The following GALNT17 variants were observed in gnomAD, a reference collection of about 807,000 sequenced individuals.
The protein encoded by GALNT17 is UDP-GalNAc:polypeptide N-acetylgalactosaminyltransferase-like 3.
In GALNT17, 29 loss-of-function variants were observed where a neutral mutation model predicts 63.7. The observed-to-expected ratio is 0.46, with a 90% CI of 0.34 to 0.62. The LOEUF (loss-of-function observed/expected upper bound fraction) is 0.62. GALNT17 is among the 20% of genes least tolerant of loss of function. The pLI is 0.01. For missense variants in GALNT17, 603 were observed against 799.6 expected (o/e 0.75, Z 2.97); for synonymous variants, 305 against 318.3 (o/e 0.96, Z 0.45).
At position 71,409,017 on chromosome 7, in the gene GALNT17, AAC is replaced by A. The variant is rs10674037; in HGVS notation, c.590-6838_590-6837del. ...ACATACATATATATGCACATACACA[AAC>A]ACACACACACACACACACACACACA... is the stretch of plus-strand genomic sequence containing the variant. On this transcript the variant is annotated intron_variant, in intron 3 of 10. Transcript: ENST00000333538. Among the ~76,000 whole-genome samples the A allele has an allele frequency of 9.9e-3, 1,441 of 144,852 alleles. 15 individuals are homozygous for A. Among genetic ancestry groups the A allele is most frequent in the East Asian group, 0.032 (156 of 4,914 alleles).
intron 5 of GALNT17, among the ~76,000 whole-genome samples, chr7:71,564,510 T>C (rs1310437226): frequency 6.6e-6 from 1 of 151,952 alleles, no homozygotes; most frequent in East Asian, 1.9e-4. Context: ...GGCCTCAAAT[T>C]CCTGACCTGA....
chr7:71,198,589 GT>G (rs935581446), intron 1 of GALNT17, among the ~76,000 whole-genome samples: 7 of 152,224 alleles, frequency 4.6e-5, no homozygotes, highest in African/African-American at 1.7e-4. Flanking sequence ...GCTGACGCTA[GT>G]TGGACTGACA....
intron 2 of GALNT17, among the ~76,000 whole-genome samples, chr7:71,345,300 C>G (rs1321958731): frequency 2.0e-5 from 3 of 152,068 alleles, no homozygotes; most frequent in African/African-American, 7.2e-5. Flanking sequence ...ATCCCCGCAC[C>G]AATTTTATGA....
chr7:71,501,260 C>T (rs574271361), intron 5 of GALNT17, among the ~76,000 whole-genome samples: 59 of 151,740 alleles, frequency 3.9e-4, no homozygotes, highest in South Asian at 1.9e-3. Flanking sequence ...TGAGCCACCG[C>T]GCCCAGCCTA....
intron 3 of GALNT17, among the ~76,000 whole-genome samples, chr7:71,408,054 T>C (rs1454627795): frequency 6.6e-6 from 1 of 152,138 alleles, no homozygotes; most frequent in East Asian, 1.9e-4. Context: ...GGTCAAAACA[T>C]TTTAAACATG....
Position 71,182,526 on chromosome 7 carries a change from G to A in GALNT17, c.238+49486G>A, listed in dbSNP as rs144283144. Among the ~76,000 whole-genome samples the A allele has an allele frequency of 2.2e-3, 330 of 152,242 alleles. 1 individual carries two copies. Among genetic ancestry groups the A allele is most frequent in the African/African-American group, 7.4e-3 (309 of 41,546 alleles). ...TCTACTGGAGCTGACAGTTAGAGAGGTGTCCTTGGGATCATTAATCAGCAT... is the reference window on the plus strand; with the variant it reads ...TCTACTGGAGCTGACAGTTAGAGAGATGTCCTTGGGATCATTAATCAGCAT... On this transcript the variant is annotated intron_variant, in intron 1 of 10. Coordinates refer to ENST00000333538, the MANE Select transcript of GALNT17 (RefSeq NM_022479.3).
chr7:71,701,453 C>A (rs1455948530), intron 9 of GALNT17, among the ~76,000 whole-genome samples: 1 of 151,634 alleles, frequency 6.6e-6, no homozygotes, highest in South Asian at 2.1e-4. Flanking sequence ...CGCCATTGTA[C>A]TCCAGCCTGG....
At chr7:71,179,278 A>G (rs1452916819) in intron 1 of GALNT17, among the ~76,000 whole-genome samples, 1 of 152,202 alleles carries the variant, frequency 6.6e-6, no homozygotes, top group Non-Finnish European at 1.5e-5. Flanking sequence ...TCTACCTATG[A>G]CCTGGTAGCC....
intron 5 of GALNT17, among the ~76,000 whole-genome samples, chr7:71,551,833 C>T (rs185385315): frequency 6.8e-4 from 102 of 150,836 alleles, no homozygotes; most frequent in Non-Finnish European, 1.0e-3. Flanking sequence ...TAACCGAGGA[C>T]GGTGTTACCT....
Position 71,679,505 on chromosome 7 carries a change from A to G in GALNT17, c.1500+2199A>G, listed in dbSNP as rs145981991. ...CACCACTGTAACACAGGCAGCTGGT[A>G]TGATGCAGTCTTTGCTCCCAAATCG... On this transcript the variant is annotated intron_variant, in intron 9 of 10. Coordinates refer to ENST00000333538, the MANE Select transcript of GALNT17 (RefSeq NM_022479.3). Among the ~76,000 whole-genome samples, 1,168 of 152,310 alleles carry G rather than the reference A, an allele frequency of 7.7e-3. 13 individuals carry two copies. The highest frequency in any genetic ancestry group is 0.026 in the African/African-American group (1,089 of 41,566).
chr7:71,571,222 GC>G, intron 5 of GALNT17, 62 bp from the exon 6 acceptor site: 1 of 1,396,804 alleles, frequency 7.2e-7, no homozygotes, highest in Non-Finnish European at 1.0e-6. Flanking sequence ...CTAGGACGGT[GC>G]CTATGGAAGG....
intron 9 of GALNT17, among the ~76,000 whole-genome samples, chr7:71,682,025 C>G (rs1380967423): frequency 6.6e-6 from 1 of 152,076 alleles, no homozygotes; most frequent in African/African-American, 2.4e-5. Context: ...CTCCTGGGTT[C>G]AGGCGATTCT....
chr7:71,208,711 C>T (rs1266698914), intron 1 of GALNT17, among the ~76,000 whole-genome samples: 1 of 152,042 alleles, frequency 6.6e-6, no homozygotes, highest in Non-Finnish European at 1.5e-5. Context: ...CTTGACCTCC[C>T]AAAGTGCTGG....
intron 6 of GALNT17, among the ~76,000 whole-genome samples, chr7:71,627,334 G>A (rs1282832696): frequency 6.6e-6 from 1 of 152,202 alleles, no homozygotes; most frequent in Non-Finnish European, 1.5e-5. Flanking sequence ...GGGGAGGATT[G>A]CTTGAGCCCA....
intron 1 of GALNT17, among the ~76,000 whole-genome samples, chr7:71,199,062 G>A (rs555272864): frequency 3.3e-5 from 5 of 152,118 alleles, no homozygotes; most frequent in Non-Finnish European, 7.4e-5. Context: ...ATGTGGCCGC[G>A]GCCTCTATCA....
intron 9 of GALNT17, among the ~76,000 whole-genome samples, chr7:71,706,455 G>C (rs1186270508): frequency 6.6e-6 from 1 of 152,184 alleles, no homozygotes; most frequent in African/African-American, 2.4e-5. Flanking sequence ...TCTTAGTGCT[G>C]CTCATCTGCC....
At chr7:71,369,279 C>G (rs780061314) in intron 2 of GALNT17, among the ~76,000 whole-genome samples, 1 of 152,124 alleles carries the variant, frequency 6.6e-6, no homozygotes, top group Non-Finnish European at 1.5e-5. Context: ...TGGTCCCTGA[C>G]CTCATGGAAC....
At chr7:71,353,215 G>A (rs1326548993) in intron 2 of GALNT17, among the ~76,000 whole-genome samples, 2 of 152,060 alleles carry the variant, frequency 1.3e-5, no homozygotes, top group African/African-American at 2.4e-5. Context: ...TCTTTATCCA[G>A]TTTCCTTAAA....
At chr7:71,532,291 A>AAT (rs1788733665) in intron 5 of GALNT17, among the ~76,000 whole-genome samples, 1 of 152,128 alleles carries the variant, frequency 6.6e-6, no homozygotes, top group Non-Finnish European at 1.5e-5. Flanking sequence ...ATCTAATCAG[A>AAT]ATATATAATC....
Sources: allele counts gnomAD v4.1 joint callset (sites outside exome capture counted in the v4.1 genomes callset), GRCh38; gene constraint gnomAD v4.1.1; transcripts MANE v1.5; gene names NCBI Gene and HGNC (gene_info 2026-07-23, HGNC 2026-07-21).